The following CAMK2N1 variants were observed in gnomAD, a reference collection of about 807,000 sequenced individuals.
CAMK2N1 encodes the protein calcium/calmodulin dependent protein kinase II inhibitor 1.
In CAMK2N1, 2 loss-of-function variants were observed where a neutral mutation model predicts 6.4. The ratio of observed to expected loss-of-function variants is 0.31; its 90% CI spans 0.13 to 0.98. The LOEUF (loss-of-function observed/expected upper bound fraction) is 0.98, where lower values mean the gene tolerates loss of function less well. Ranked by LOEUF, CAMK2N1 falls within the 50% of genes least tolerant of loss-of-function variation. CAMK2N1 has a pLI of 0.51. For missense variants in CAMK2N1, 77 were observed against 107.3 expected (o/e 0.72, Z 1.25); for synonymous variants, 42 against 47.5 (o/e 0.88, Z 0.47).
chr1:20,485,529 G>T lies in CAMK2N1; in HGVS notation c.-150C>A, dbSNP rs2101106152. On this transcript the variant is annotated 5_prime_UTR_variant, in exon 1 of 2. Coordinates refer to ENST00000375078, the MANE Select transcript of CAMK2N1 (RefSeq NM_018584.6). This position sits in a 1 kb window ranked among gnomAD's most constrained non-coding sequence, Gnocchi z 8.4. ...TGGCGCCGGCGAGAGGCCGGGGGAC[G>T]CCGCTAGGGCAAGAGCGCGGCACTC... is the stretch of plus-strand genomic sequence containing the variant. 2.6e-6 allele frequency: 1 copy of T among 388,248 alleles called. No individual in the cohort carries two copies. The highest frequency in any genetic ancestry group is 3.5e-6 in the Non-Finnish European group (1 of 286,336). The allele number at this position is 388,248 out of a possible 1,614,324, so 24.1% of individuals were successfully genotyped here.
Position 20,483,545 on chromosome 1 carries a change from C to A in CAMK2N1, c.*104G>T. ...AGGTTGTTGATTTCATCGTGGGTAG[C>A]AAGCTAGTAATAAATTTCAAAGTGC... On this transcript the variant is annotated 3_prime_UTR_variant, in exon 2 of 2. Transcript: ENST00000375078. The A allele has an allele frequency of 1.0e-6, 1 of 996,994 alleles. No homozygotes were observed. The highest frequency in any genetic ancestry group is 1.6e-6 in the Non-Finnish European group (1 of 627,156). 61.8% of individuals were successfully genotyped at this position (996,994 alleles called of 1,614,324 possible). A position where few individuals can be genotyped will look rare whatever the true frequency, so the allele number is the denominator to read the frequency against.
chr1:20,486,056 G>A lies in CAMK2N1; in HGVS notation c.-677C>T, dbSNP rs1437224680. ...GGAGAAAGAAGAAAAGGTGGGGTGG[G>A]GGACGAGCTAGAACGGAGAGACAGG... On this transcript the variant is annotated 5_prime_UTR_variant, in exon 1 of 2. Transcript: ENST00000375078. This position sits in a 1 kb window ranked among gnomAD's most constrained non-coding sequence, Gnocchi z 6.5. The A allele has an allele frequency of 1.3e-5, 2 of 152,852 alleles. No individual in the cohort carries two copies. The highest frequency in any genetic ancestry group is 6.6e-5 in the Admixed American group (1 of 15,266). The allele number at this position is 152,852 out of a possible 1,614,324, so 9.5% of individuals were successfully genotyped here.
intron 1 of CAMK2N1, among the ~76,000 whole-genome samples, 169 bp from the exon 2 acceptor site, chr1:20,483,888 C>T (rs1319928441): frequency 1.3e-5 from 2 of 152,200 alleles, no homozygotes; most frequent in African/African-American, 2.4e-5. Flanking sequence ...GGGGTCCCTT[C>T]CCTGCTTTCC....
chr1:20,484,645 C>G lies in CAMK2N1; in HGVS notation c.166+569G>C, dbSNP rs2051495942. Reference sequence around the variant, plus strand: ...AGTCTCTCTCTGCAGCCGTCGGTCCCCCTCATTGTCCCCGCGTCTCTGGAG... The same window carrying G: ...AGTCTCTCTCTGCAGCCGTCGGTCCGCCTCATTGTCCCCGCGTCTCTGGAG... On this transcript the variant is annotated intron_variant, in intron 1 of 1. Coordinates refer to ENST00000375078, the MANE Select transcript of CAMK2N1 (RefSeq NM_018584.6). This position sits in a 1 kb window ranked among gnomAD's most constrained non-coding sequence, Gnocchi z 6.8. 1 of 152,408 alleles carries G rather than the reference C, an allele frequency of 6.6e-6. No homozygotes were observed. The highest frequency in any genetic ancestry group is 6.5e-5 in the Admixed American group (1 of 15,286). The allele number at this position is 152,408 out of a possible 1,614,324, so 9.4% of individuals were successfully genotyped here.
In CAMK2N1 at chr1:20,484,932, G is replaced by A. The variant is rs2051498372; in HGVS notation, c.166+282C>T. Among the ~76,000 whole-genome samples, 1 of 152,168 alleles carries A rather than the reference G, an allele frequency of 6.6e-6. No homozygotes were observed. Among genetic ancestry groups the A allele is most frequent in the African/African-American group, 2.4e-5 (1 of 41,454 alleles). ...CTACACTGCGCAAAAGGCGGGGGTG[G>A]GGGGCGCAAATCAAAAAGCAAACTT... On this transcript the variant is annotated intron_variant, in intron 1 of 1. Coordinates refer to ENST00000375078, the MANE Select transcript of CAMK2N1 (RefSeq NM_018584.6). The surrounding 1 kb of genome is among the most constrained non-coding windows in gnomAD (Gnocchi z 6.8).
rs369949038 is a variant in CAMK2N1, at chr1:20,484,301, C to T, written c.167-582G>A. On this transcript the variant is annotated intron_variant, in intron 1 of 1. Transcript: ENST00000375078. This position sits in a 1 kb window ranked among gnomAD's most constrained non-coding sequence, Gnocchi z 6.8. ...TCGGCCGCCCCGCGCTCCCCGCTGC[C>T]GCAGAGGTCAGAGCCTCCCTTCGCT... 1 of 153,328 alleles carries T rather than the reference C, an allele frequency of 6.5e-6. No individual in the cohort carries two copies. The highest frequency in any genetic ancestry group is 6.5e-5 in the Admixed American group (1 of 15,354). The allele number at this position is 153,328 out of a possible 1,614,324, so 9.5% of individuals were successfully genotyped here.
In CAMK2N1 at chr1:20,483,261, C is replaced by T. The variant is rs543364993; in HGVS notation, c.*388G>A. The stretch of plus-strand genomic sequence containing the variant: ...CAACACCTCAAAACACCTGGTGTTG[C>T]CGCTTCATTAAGTGGTTCAAAATCC... On this transcript the variant is annotated 3_prime_UTR_variant, in exon 2 of 2. Coordinates refer to ENST00000375078, the MANE Select transcript of CAMK2N1 (RefSeq NM_018584.6). 6.5e-6 allele frequency: 1 copy of T among 153,262 alleles called. No homozygotes were observed. The highest frequency in any genetic ancestry group is 1.5e-5 in the Non-Finnish European group (1 of 68,520). 9.5% of individuals were successfully genotyped at this position (153,262 alleles called of 1,614,324 possible).
Position 20,483,645 on chromosome 1 carries a change from G to A in CAMK2N1, c.*4C>T. 6.2e-7 allele frequency: 1 copy of A among 1,611,678 alleles called. No individual in the cohort carries two copies. The highest frequency in any genetic ancestry group is 8.5e-7 in the Non-Finnish European group (1 of 1,177,816). ...TCTCCCTTAACTCATTGTCTTTGGG[G>A]GAGTTAGACACCAGGAGGTGCCTTG... On this transcript the variant is annotated 3_prime_UTR_variant, in exon 2 of 2. Transcript: ENST00000375078.
chr1:20,485,105 G>T lies in CAMK2N1; in HGVS notation c.166+109C>A. On this transcript the variant is annotated intron_variant, in intron 1 of 1. Coordinates refer to ENST00000375078, the MANE Select transcript of CAMK2N1 (RefSeq NM_018584.6). The surrounding 1 kb of genome is among the most constrained non-coding windows in gnomAD (Gnocchi z 8.4). ...GGGATCCCCCAATTCTGCAAGAAGG[G>T]ATTCCGTCAGGTCTGAACGGGCTCC... is the stretch of plus-strand genomic sequence containing the variant. The T allele has an allele frequency of 8.1e-7, 1 of 1,227,114 alleles. No individual in the cohort carries two copies. Among genetic ancestry groups the T allele is most frequent in the Admixed American group, 2.9e-5 (1 of 34,530 alleles). 76.0% of individuals were successfully genotyped at this position (1,227,114 alleles called of 1,614,324 possible).
Position 20,485,611 on chromosome 1 carries a change from C to T in CAMK2N1, c.-232G>A, listed in dbSNP as rs971275493. On this transcript the variant is annotated 5_prime_UTR_variant, in exon 1 of 2. Coordinates refer to ENST00000375078, the MANE Select transcript of CAMK2N1 (RefSeq NM_018584.6). The surrounding 1 kb of genome is among the most constrained non-coding windows in gnomAD (Gnocchi z 8.4). Reference sequence around the variant, plus strand: ...CGCTGCGCTGCGCTCCGGCTCCGCGCGCGAGTGGCTGCTGCTCCGCCAGAG... The same window carrying T: ...CGCTGCGCTGCGCTCCGGCTCCGCGTGCGAGTGGCTGCTGCTCCGCCAGAG... 1 of 151,018 alleles carries T rather than the reference C, an allele frequency of 6.6e-6. No homozygotes were observed. The highest frequency in any genetic ancestry group is 2.4e-5 in the African/African-American group (1 of 41,080). The allele number at this position is 151,018 out of a possible 1,614,324, so 9.4% of individuals were successfully genotyped here.
At chr1:20,483,757 G>A in intron 1 of CAMK2N1, 38 bp from the exon 2 acceptor site, 1 of 1,579,888 alleles carries the variant, frequency 6.3e-7, no homozygotes, top group Non-Finnish European at 8.7e-7. Flanking sequence ...TGAGCGCGCT[G>A]GGGCCTAGCC....
chr1:20,482,915 C>T lies in CAMK2N1; in HGVS notation c.*734G>A, dbSNP rs1378742255. The T allele has an allele frequency of 6.8e-6, 1 of 146,906 alleles. No individual in the cohort carries two copies. The highest frequency in any genetic ancestry group is 2.0e-4 in the East Asian group (1 of 4,922). The allele number at this position is 146,906 out of a possible 1,614,324, so 9.1% of individuals were successfully genotyped here. A position where few individuals can be genotyped will look rare whatever the true frequency, so the allele number is the denominator to read the frequency against. On this transcript the variant is annotated 3_prime_UTR_variant, in exon 2 of 2. Transcript: ENST00000375078. ...TGTTTTTCTGACATAAAAAATGTGT[C>T]CATTTGCATTAACTTGGGCAGATAG...
In CAMK2N1 at chr1:20,482,877, G is replaced by GTGTGTT. The variant is rs2051479459; in HGVS notation, c.*771_*772insAACACA. 6.6e-6 allele frequency: 1 copy of GTGTGTT among 151,850 alleles called. No individual in the cohort carries two copies. Among genetic ancestry groups the GTGTGTT allele is most frequent in the Non-Finnish European group, 1.5e-5 (1 of 68,020 alleles). 9.4% of individuals were successfully genotyped at this position (151,850 alleles called of 1,614,324 possible). On this transcript the variant is annotated 3_prime_UTR_variant, in exon 2 of 2. Coordinates refer to ENST00000375078, the MANE Select transcript of CAMK2N1 (RefSeq NM_018584.6). ...TTTTCGTGTGTGTGTGTGTGTGTGT[G>GTGTGTT]TGTGTGTGTGTGTGTTTTTCTGACA... is the stretch of plus-strand genomic sequence containing the variant.
chr1:20,482,558 C>T lies in CAMK2N1; in HGVS notation c.*1091G>A, dbSNP rs1167343189. On this transcript the variant is annotated 3_prime_UTR_variant, in exon 2 of 2. Transcript: ENST00000375078. The stretch of plus-strand genomic sequence containing the variant: ...CAAAAAATGGTAAAAGATTTCCTCA[C>T]GCAAGAGGCATTTTTGCAAATACCA... 1.3e-5 allele frequency: 2 copies of T among 152,564 alleles called. No individual in the cohort carries two copies. The highest frequency in any genetic ancestry group is 2.9e-5 in the Non-Finnish European group (2 of 68,022). 9.5% of individuals were successfully genotyped at this position (152,564 alleles called of 1,614,324 possible).
chr1:20,483,426 TTTTTTA>T lies in CAMK2N1; in HGVS notation c.*217_*222del. 6.4e-6 allele frequency: 2 copies of T among 310,854 alleles called. No individual in the cohort carries two copies. The highest frequency in any genetic ancestry group is 1.1e-4 in the East Asian group (2 of 18,896). The allele number at this position is 310,854 out of a possible 1,614,324, so 19.3% of individuals were successfully genotyped here. A position where few individuals can be genotyped will look rare whatever the true frequency, so the allele number is the denominator to read the frequency against. On this transcript the variant is annotated 3_prime_UTR_variant, in exon 2 of 2. Coordinates refer to ENST00000375078, the MANE Select transcript of CAMK2N1 (RefSeq NM_018584.6). Reference sequence around the variant, plus strand: ...TTATTATTTTTAAAATTTTATTTATTTTTTTATTTTTATTTTTGCAGAGGAGCCCAG... The same window carrying T: ...TTATTATTTTTAAAATTTTATTTATTTTTTTATTTTTGCAGAGGAGCCCAG...
In CAMK2N1 at chr1:20,486,078, CA is replaced by C. The variant is rs1195621547; in HGVS notation, c.-700del. 2 of 148,264 alleles carry C rather than the reference CA, an allele frequency of 1.3e-5. No individual in the cohort carries two copies. Among genetic ancestry groups the C allele is most frequent in the African/African-American group, 5.1e-5 (2 of 39,024 alleles). 9.2% of individuals were successfully genotyped at this position (148,264 alleles called of 1,614,324 possible). ...TGGGGGACGAGCTAGAACGGAGAGA[CA>C]GGGGAAAGATGAGAGGAGGAGGGAA... On this transcript the variant is annotated 5_prime_UTR_variant, in exon 1 of 2. Coordinates refer to ENST00000375078, the MANE Select transcript of CAMK2N1 (RefSeq NM_018584.6). The surrounding 1 kb of genome is among the most constrained non-coding windows in gnomAD (Gnocchi z 6.5).
In CAMK2N1 at chr1:20,483,376, C is replaced by T. The variant is rs1283601339; in HGVS notation, c.*273G>A. 1 of 188,330 alleles carries T rather than the reference C, an allele frequency of 5.3e-6. No homozygotes were observed. Among genetic ancestry groups the T allele is most frequent in the Non-Finnish European group, 1.1e-5 (1 of 93,294 alleles). The allele number at this position is 188,330 out of a possible 1,614,324, so 11.7% of individuals were successfully genotyped here. On this transcript the variant is annotated 3_prime_UTR_variant, in exon 2 of 2. Coordinates refer to ENST00000375078, the MANE Select transcript of CAMK2N1 (RefSeq NM_018584.6). ...CTGCAACTGAGACTTCTTTTTATTTCTTTATATGTGTATATAGTGAATTTT... is the reference window on the plus strand; with the variant it reads ...CTGCAACTGAGACTTCTTTTTATTTTTTTATATGTGTATATAGTGAATTTT...
chr1:20,484,852 C>A lies in CAMK2N1; in HGVS notation c.166+362G>T, dbSNP rs1178963021. 1.3e-5 allele frequency among the ~76,000 whole-genome samples: 2 copies of A among 152,218 alleles called. No homozygotes were observed. The highest frequency in any genetic ancestry group is 4.8e-5 in the African/African-American group (2 of 41,468). ...CCCACGCAGGTCCCCACGCCGTCCCCTGGGGGTCCCTGGGACCCCCTCCCC... is the reference window on the plus strand; with the variant it reads ...CCCACGCAGGTCCCCACGCCGTCCCATGGGGGTCCCTGGGACCCCCTCCCC... On this transcript the variant is annotated intron_variant, in intron 1 of 1. Coordinates refer to ENST00000375078, the MANE Select transcript of CAMK2N1 (RefSeq NM_018584.6). This position sits in a 1 kb window ranked among gnomAD's most constrained non-coding sequence, Gnocchi z 6.8.
At position 20,485,341 on chromosome 1, in the gene CAMK2N1, G is replaced by T; in HGVS notation, c.39C>A (p.Ser13Arg). Reference sequence around the variant, plus strand: ...CCACGTCGCCGCCGTCGCCGTAGGGGCTCAGCTTCTCGTCGCCGTAGGGCA... The same window carrying T: ...CCACGTCGCCGCCGTCGCCGTAGGGTCTCAGCTTCTCGTCGCCGTAGGGCA... ...EVLPYGDEKL[S>R]PYGDGGDVGQ... is the part of the protein sequence containing the mutation. Residue 13 changes from serine to arginine, a missense_variant, in exon 1 of 2, where the codon AGC becomes AGA. Physicochemically the swap from Ser to Arg is moderately radical, Grantham distance 110. Coordinates refer to ENST00000375078, the MANE Select transcript of CAMK2N1 (RefSeq NM_018584.6). The surrounding 1 kb of genome is among the most constrained non-coding windows in gnomAD (Gnocchi z 8.4). The T allele has an allele frequency of 6.4e-7, 1 of 1,556,686 alleles. No homozygotes were observed.
Sources: gnomAD v4.1 joint callset for allele counts (sites outside exome capture counted in the v4.1 genomes callset) on GRCh38, gnomAD v4.1.1 for gene constraint, Gnocchi (gnomAD v3.1) non-coding constraint, MANE v1.5 for transcripts, NCBI Gene and HGNC (gene_info 2026-07-23, HGNC 2026-07-21) for gene names.